Variants in GPC5 observed in about 807,000 individuals in gnomAD.
GPC5 encodes the protein glypican-5.
In GPC5, 47 loss-of-function variants were observed where a neutral mutation model predicts 53.9. The observed-to-expected ratio is 0.87, with a 90% CI of 0.69 to 1.11. GPC5 has a LOEUF of 1.11. Ranked by LOEUF, GPC5 falls within the 50% of genes most tolerant of loss-of-function variation. GPC5 has a pLI of 0.00. For missense variants in GPC5, 748 were observed against 713.1 expected (o/e 1.05, Z -0.56); for synonymous variants, 286 against 263.3 (o/e 1.09, Z -0.84).
chr13:92,164,533 G>A (rs1175943390), intron 7 of GPC5, among the ~76,000 whole-genome samples: 2 of 152,138 alleles, frequency 1.3e-5, no homozygotes, highest in African/African-American at 4.8e-5. Context: ...CATGGTCTTG[G>A]GCAGCTTCAT....
At chr13:92,138,295 C>A (rs1006246513) in intron 6 of GPC5, among the ~76,000 whole-genome samples, 1 of 151,932 alleles carries the variant, frequency 6.6e-6, no homozygotes, top group Non-Finnish European at 1.5e-5. Flanking sequence ...CCAAGGTGGG[C>A]AGATCACTAG....
At position 91,753,113 on chromosome 13, in the gene GPC5, T is replaced by C. The variant is rs1594523014; in HGVS notation, c.1155-3182T>C. Among the ~76,000 whole-genome samples the C allele has an allele frequency of 3.9e-5, 6 of 152,320 alleles. No individual in the cohort carries two copies. The South Asian group carries it at 1.2e-3, about 32-fold the overall frequency. ...GCCACTGCTCTATGATTTATGGCTG[T>C]GAACAAAACAAGCAAACAACAAAAT... On this transcript the variant is annotated intron_variant, in intron 4 of 7. Coordinates refer to ENST00000377067, the MANE Select transcript of GPC5 (RefSeq NM_004466.6).
intron 5 of GPC5, among the ~76,000 whole-genome samples, chr13:91,797,104 G>T (rs2138764000): frequency 6.6e-6 from 1 of 151,932 alleles, no homozygotes; most frequent in East Asian, 1.9e-4. Context: ...AAAAAAAAAT[G>T]TCATTTTGAT....
At chr13:92,124,761 G>A (rs973692677) in intron 6 of GPC5, among the ~76,000 whole-genome samples, 4 of 152,084 alleles carry the variant, frequency 2.6e-5, no homozygotes, top group African/African-American at 7.2e-5. Flanking sequence ...AAAAAAAACT[G>A]TAGAGACCAC....
chr13:91,974,839 C>T (rs564262149), intron 6 of GPC5, among the ~76,000 whole-genome samples: 67 of 152,164 alleles, frequency 4.4e-4, no homozygotes, highest in African/African-American at 1.3e-3. Flanking sequence ...AGAACAAAGC[C>T]GGAGGCATCC....
intron 7 of GPC5, among the ~76,000 whole-genome samples, chr13:92,314,594 C>T (rs887126990): frequency 3.9e-5 from 6 of 152,168 alleles, no homozygotes; most frequent in Non-Finnish European, 7.3e-5. Context: ...AGGCCAATTC[C>T]AGTCATGTTG....
intron 5 of GPC5, among the ~76,000 whole-genome samples, chr13:91,812,581 C>A (rs1417370891): frequency 6.6e-6 from 1 of 152,116 alleles, no homozygotes; most frequent in Non-Finnish European, 1.5e-5. Flanking sequence ...CAATAATGTC[C>A]AATTTGTCCT....
intron 7 of GPC5, among the ~76,000 whole-genome samples, chr13:92,212,941 C>T (rs781103733): frequency 6.6e-5 from 10 of 152,172 alleles, no homozygotes; most frequent in Non-Finnish European, 1.3e-4. Flanking sequence ...CACCAAAATC[C>T]CTTGGCAATG....
At chr13:92,295,365 A>G (rs1594077706) in intron 7 of GPC5, among the ~76,000 whole-genome samples, 1 of 152,022 alleles carries the variant, frequency 6.6e-6, no homozygotes, top group East Asian at 1.9e-4. Flanking sequence ...GTTTTTTTCC[A>G]CTGTAGTCTG....
rs138410327 is a variant in GPC5 at position 92,363,484 on chromosome 13, G to T, written c.1561+218495G>T. The stretch of plus-strand genomic sequence containing the variant: ...ATTCTCATAAGGAGTACACAACCTA[G>T]ATCCCTCGCATGTACAGTTCACAAT... On this transcript the variant is annotated intron_variant, in intron 7 of 7. Coordinates refer to ENST00000377067, the MANE Select transcript of GPC5 (RefSeq NM_004466.6). Among the ~76,000 whole-genome samples, 13 of 151,820 alleles carry T rather than the reference G, an allele frequency of 8.6e-5. 1 individual carries two copies. The East Asian group carries it at 2.5e-3, about 29-fold the overall frequency.
At chr13:92,728,038 G>T (rs1260185134) in intron 7 of GPC5, among the ~76,000 whole-genome samples, 1 of 151,204 alleles carries the variant, frequency 6.6e-6, no homozygotes, top group African/African-American at 2.4e-5. Flanking sequence ...TTAACTCTTT[G>T]GACTATGGTG....
intron 7 of GPC5, among the ~76,000 whole-genome samples, chr13:92,466,261 G>C (rs753408520): frequency 3.9e-4 from 60 of 151,920 alleles, no homozygotes; most frequent in Non-Finnish European, 6.6e-4. Context: ...TGAGCCTTGC[G>C]TATCAGGACA....
intron 6 of GPC5, among the ~76,000 whole-genome samples, chr13:92,138,711 C>T (rs998365848): frequency 2.6e-5 from 4 of 151,910 alleles, no homozygotes; most frequent in African/African-American, 9.7e-5. Flanking sequence ...TTCTTGAAAG[C>T]GATTTAAGAG....
At chr13:92,581,584 CA>C (rs1883370933) in intron 7 of GPC5, among the ~76,000 whole-genome samples, 1 of 151,964 alleles carries the variant, frequency 6.6e-6, no homozygotes, top group Non-Finnish European at 1.5e-5. Flanking sequence ...GAAATATATC[CA>C]AGTGGTGGAA....
At chr13:92,083,487 G>A (rs1205619862) in intron 6 of GPC5, among the ~76,000 whole-genome samples, 1 of 152,124 alleles carries the variant, frequency 6.6e-6, no homozygotes, top group African/African-American at 2.4e-5. Flanking sequence ...AGGTATGGAT[G>A]AAAGAATATA....
intron 6 of GPC5, among the ~76,000 whole-genome samples, chr13:92,089,424 A>ACT (rs1289892191): frequency 6.6e-6 from 1 of 152,056 alleles, no homozygotes; most frequent in Non-Finnish European, 1.5e-5. Context: ...ACCATGCAAG[A>ACT]CTCTCTCTCA....
intron 4 of GPC5, among the ~76,000 whole-genome samples, chr13:91,735,226 CTTA>C (rs977710489): frequency 1.3e-5 from 2 of 151,006 alleles, no homozygotes; most frequent in African/African-American, 2.5e-5. Context: ...GGTTTTTTCT[CTTA>C]TTATACATAA....
chr13:92,097,052 C>T (rs2041427686), intron 6 of GPC5, among the ~76,000 whole-genome samples: 1 of 152,150 alleles, frequency 6.6e-6, no homozygotes, highest in South Asian at 2.1e-4. Flanking sequence ...CCAAAACTAT[C>T]AGGAATAGAC....
At chr13:92,166,948 TCTCTCTCTCACACACA>T (rs1416758267) in intron 7 of GPC5, among the ~76,000 whole-genome samples, 36 of 57,288 alleles carry the variant, frequency 6.3e-4, no homozygotes, top group East Asian at 1.8e-3. Flanking sequence ...TCTCTCTCTC[TCTCTCTCTCACACACA>T]CACACACACA....
Sources: allele counts gnomAD v4.1 joint callset (sites outside exome capture counted in the v4.1 genomes callset), GRCh38; gene constraint gnomAD v4.1.1; transcripts MANE v1.5; gene names NCBI Gene and HGNC (gene_info 2026-07-23, HGNC 2026-07-21).